Variants in MYOF observed in about 807,000 individuals in gnomAD.
MYOF encodes the protein fer-1-like 3, myoferlin.
In MYOF, 244 loss-of-function variants were observed where a neutral mutation model predicts 284.2. The ratio of observed to expected loss-of-function variants is 0.86; its 90% confidence interval spans 0.77 to 0.95. MYOF has a LOEUF of 0.95. Among genes scored for constraint, MYOF ranks in the 40% least tolerant of loss-of-function variants. MYOF has a pLI of 0.00. For synonymous variants in MYOF, 904 were observed against 919.7 expected, an observed-to-expected ratio of 0.98 and a Z score of 0.31; for missense variants, 2,496 against 2,560.6, an observed-to-expected ratio of 0.97 and a Z score of 0.54.
Position 93,352,451 on chromosome 10 carries a change from G to A in MYOF, c.3482-605C>T, listed in dbSNP as rs189179300. On this transcript the variant is annotated intron_variant, in intron 32 of 53. Coordinates refer to ENST00000359263, the MANE Select transcript of MYOF (RefSeq NM_013451.4). ...AGGTCTCAAGAGTATAACAGCAGCC[G>A]GAAAAGCTCAGATGCTCATAGAGTT... is the stretch of plus-strand genomic sequence containing the variant. Among the ~76,000 whole-genome samples the A allele has an allele frequency of 4.0e-3, 608 of 152,238 alleles. 2 individuals are homozygous for A. The highest frequency in any genetic ancestry group is 6.1e-3 in the Non-Finnish European group (416 of 68,028).
intron 40 of MYOF, chr10:93,337,579 C>T: frequency 2.2e-6 from 1 of 453,898 alleles, no homozygotes; most frequent in Admixed American, 3.9e-5. Flanking sequence ...CTGCCAGATG[C>T]CTCCAAGCCC....
chr10:93,391,597 G>A (rs371341834), intron 17 of MYOF, among the ~76,000 whole-genome samples: 1 of 148,306 alleles, frequency 6.7e-6, no homozygotes. Context: ...CTCCATCTCA[G>A]AAAAAAAAAA....
At chr10:93,343,408 C>T (rs1002257744) in intron 38 of MYOF, among the ~76,000 whole-genome samples, 1 of 152,158 alleles carries the variant, frequency 6.6e-6, no homozygotes, top group East Asian at 1.9e-4. Flanking sequence ...AAGAATCTGG[C>T]GTGTTGCATG....
chr10:93,454,882 A>G (rs1386820640), intron 2 of MYOF, among the ~76,000 whole-genome samples: 1 of 151,242 alleles, frequency 6.6e-6, no homozygotes, highest in Admixed American at 6.6e-5. Context: ...AGGAGGCTAA[A>G]GCAGGGCTAT....
At chr10:93,475,267 T>C (rs112433465) in intron 1 of MYOF, among the ~76,000 whole-genome samples, 1,954 of 152,304 alleles carry the variant, frequency 0.013, 53 homozygotes, top group African/African-American at 0.045. Flanking sequence ...AGAACAGCTG[T>C]TCAATAGAAA....
intron 31 of MYOF, among the ~76,000 whole-genome samples, chr10:93,355,271 C>T (rs1844741626): frequency 1.3e-5 from 2 of 152,206 alleles, no homozygotes; most frequent in Admixed American, 1.3e-4. Context: ...ATAAGAGTTA[C>T]AGAAGTGGAA....
At chr10:93,378,124 G>A (rs777863532) in intron 21 of MYOF, among the ~76,000 whole-genome samples, 1 of 152,120 alleles carries the variant, frequency 6.6e-6, no homozygotes, top group Non-Finnish European at 1.5e-5. Flanking sequence ...TTACGGACTG[G>A]GGCAGAGAAA....
At chr10:93,425,691 G>A (rs1161310611) in intron 5 of MYOF, 1 of 206,414 alleles carries the variant, frequency 4.8e-6, no homozygotes, top group African/African-American at 2.3e-5. Context: ...GGCACCTTTG[G>A]GAGGTGAGGA....
chr10:93,353,923 CG>C, intron 31 of MYOF, 35 bp from the exon 32 acceptor site: 1 of 1,510,646 alleles, frequency 6.6e-7, no homozygotes, highest in African/African-American at 1.4e-5. Flanking sequence ...TTACAAGAAG[CG>C]TAACACTGTA....
intron 37 of MYOF, among the ~76,000 whole-genome samples, chr10:93,347,222 G>C (rs1304913298): frequency 1.3e-5 from 2 of 152,220 alleles, no homozygotes; most frequent in Non-Finnish European, 2.9e-5. Flanking sequence ...CTTACCTTGA[G>C]TAGGTTTGTA....
chr10:93,425,140 C>T (rs1188541308), intron 5 of MYOF, among the ~76,000 whole-genome samples: 1 of 151,848 alleles, frequency 6.6e-6, no homozygotes, highest in Admixed American at 6.6e-5. Flanking sequence ...AAGGTTTCAC[C>T]ATGTTGGCCA....
intron 13 of MYOF, 124 bp downstream of exon 13, chr10:93,399,268 T>G (rs701862): frequency 0.56 from 384,995 of 684,790 alleles, 110,706 homozygotes; most frequent in Middle Eastern, 0.73. Flanking sequence ...CTGTGTTCCC[T>G]CAGAGTGCCT....
At position 93,473,784 on chromosome 10, in the gene MYOF, G is replaced by C. The variant is rs74615199; in HGVS notation, c.88+8323C>G. Among the ~76,000 whole-genome samples the C allele has an allele frequency of 8.1e-3, 1,230 of 152,328 alleles. 7 individuals are homozygous for C. The highest frequency in any genetic ancestry group is 0.012 in the Non-Finnish European group (839 of 68,018). On this transcript the variant is annotated intron_variant, in intron 1 of 53. Coordinates refer to ENST00000359263, the MANE Select transcript of MYOF (RefSeq NM_013451.4). ...TCCTTTCAGATAGTACAACAGGCTA[G>C]GGAGAGAAGGACCTTATGCAAATGA...
In MYOF at chr10:93,442,824, T is replaced by A. The variant is rs543893406; in HGVS notation, c.236+9226A>T. Among the ~76,000 whole-genome samples, 16 of 152,340 alleles carry A rather than the reference T, an allele frequency of 1.1e-4. No homozygotes were observed. The South Asian group carries it at 2.9e-3, about 28-fold the overall frequency. ...ATTATCTTCCATGTCCCTACTAGCA[T>A]GCTCAAGCAATTCTCCACCTTCTTG... On this transcript the variant is annotated intron_variant, in intron 3 of 53. Coordinates refer to ENST00000359263, the MANE Select transcript of MYOF (RefSeq NM_013451.4).
chr10:93,413,510 T>C (rs1250099178), intron 5 of MYOF, among the ~76,000 whole-genome samples: 1 of 152,184 alleles, frequency 6.6e-6, no homozygotes, highest in Non-Finnish European at 1.5e-5. Flanking sequence ...TGGCAGGCCC[T>C]GTTCGTGAGA....
intron 13 of MYOF, 102 bp from the exon 14 acceptor site, chr10:93,397,558 T>G (rs1186303485): frequency 2.7e-6 from 2 of 739,414 alleles, no homozygotes; most frequent in East Asian, 5.8e-5. Flanking sequence ...TTTACTTATA[T>G]ACTTAGGAAC....
At chr10:93,371,867 T>C (rs1362663372) in intron 24 of MYOF, among the ~76,000 whole-genome samples, 2 of 152,210 alleles carry the variant, frequency 1.3e-5, no homozygotes, top group Non-Finnish European at 2.9e-5. Flanking sequence ...TTGCTGTTTA[T>C]CCACTAACTT....
Position 93,321,412 on chromosome 10 carries a change from C to CTTTT in MYOF, c.5457-1403_5457-1400dup, listed in dbSNP as rs35765868. Among the ~76,000 whole-genome samples the CTTTT allele has an allele frequency of 1.7e-3, 202 of 121,164 alleles. 2 individuals carry two copies. The highest frequency in any genetic ancestry group is 5.1e-3 in the African/African-American group (174 of 34,198). 79.5% of individuals were successfully genotyped at this position (121,164 alleles called of 152,430 possible). ...TGAAAGATTCCTTTTGACTATTAAC[C>CTTTT]TTTTTTTTTTTTTTTTTTTTTTTAC... is the stretch of plus-strand genomic sequence containing the variant. On this transcript the variant is annotated intron_variant, in intron 48 of 53. Transcript: ENST00000359263.
intron 34 of MYOF, 45 bp downstream of exon 34, chr10:93,351,368 T>C: frequency 6.2e-7 from 1 of 1,610,626 alleles, no homozygotes; most frequent in Non-Finnish European, 8.5e-7. Flanking sequence ...TAACATGCAT[T>C]TTAAGCAGCT....
Sources: gnomAD v4.1 joint callset for allele counts (sites outside exome capture counted in the v4.1 genomes callset) on GRCh38, gnomAD v4.1.1 for gene constraint, MANE v1.5 for transcripts, NCBI Gene and HGNC (gene_info 2026-07-23, HGNC 2026-07-21) for gene names.